ARHGEF7: variants seen among roughly 807,000 people sequenced by gnomAD.
ARHGEF7 encodes the protein PAK-interacting exchange factor beta.
A neutral mutation model predicts 109.8 loss-of-function variants in ARHGEF7; 33 were observed. The ratio of observed to expected loss-of-function variants is 0.30; its 90% confidence interval spans 0.23 to 0.40. The LOEUF is 0.40. ARHGEF7 is among the 10% of genes least tolerant of loss of function. The pLI, the probability that ARHGEF7 is intolerant of heterozygous loss-of-function variation, is 1.00. For synonymous variants in ARHGEF7, 458 were observed against 424.6 expected (o/e 1.08, Z -0.97); for missense variants, 938 against 1,098.5 (o/e 0.85, Z 2.07).
chr13:111,272,860 G>T lies in ARHGEF7; in HGVS notation c.1074-954G>T, dbSNP rs1218278229. On this transcript the variant is annotated intron_variant, in intron 9 of 21. Transcript: ENST00000646102. The surrounding 1 kb of genome is among the most constrained non-coding windows in gnomAD (Gnocchi z 5.2). Reference sequence around the variant, plus strand: ...CAGTGAAGGGGTGTTGCGGTCAGGTGACTGTCAGCCTTAACAAACGTGTGG... The same window carrying T: ...CAGTGAAGGGGTGTTGCGGTCAGGTTACTGTCAGCCTTAACAAACGTGTGG... 6.6e-6 allele frequency among the ~76,000 whole-genome samples: 1 copy of T among 152,162 alleles called. No homozygotes were observed. The highest frequency in any genetic ancestry group is 1.9e-4 in the East Asian group (1 of 5,186).
At position 111,292,098 on chromosome 13, in the gene ARHGEF7, C is replaced by T. The variant is rs1369501086; in HGVS notation, c.2135-20C>T. The T allele has an allele frequency of 6.2e-7, 1 of 1,608,472 alleles. No homozygotes were observed. The highest frequency in any genetic ancestry group is 8.5e-7 in the Non-Finnish European group (1 of 1,177,046). Reference sequence around the variant, plus strand: ...TCACCCCCTGCCTGTCGCGCCTGTCCCTCCGCCCGCCCGTCTTAGCATGGC... The same window carrying T: ...TCACCCCCTGCCTGTCGCGCCTGTCTCTCCGCCCGCCCGTCTTAGCATGGC... On this transcript the variant is annotated intron_variant, in intron 18 of 21. Coordinates refer to ENST00000646102, the MANE Select transcript of ARHGEF7 (RefSeq NM_001354046.2).
At chr13:111,170,612 C>T (rs970037078) in intron 2 of ARHGEF7, among the ~76,000 whole-genome samples, 5 of 152,092 alleles carry the variant, frequency 3.3e-5, no homozygotes, top group Admixed American at 6.5e-5. Context: ...GCTAAGTGGC[C>T]GGGGAAAGTG....
Position 111,264,598 on chromosome 13 carries a change from G to C in ARHGEF7, c.951-2950G>C, listed in dbSNP as rs544647999. 2.6e-5 allele frequency among the ~76,000 whole-genome samples: 4 copies of C among 152,282 alleles called. 1 individual carries two copies. Among genetic ancestry groups the C allele is most frequent in the African/African-American group, 7.2e-5 (3 of 41,550 alleles). Reference sequence around the variant, plus strand: ...CCGTGCAGGTAACTGTTGTGCTTCTGTGAGCCCCCGCCAGTACTCTGGGTG... The same window carrying C: ...CCGTGCAGGTAACTGTTGTGCTTCTCTGAGCCCCCGCCAGTACTCTGGGTG... On this transcript the variant is annotated intron_variant, in intron 8 of 21. Transcript: ENST00000646102.
At chr13:111,241,160 C>T in intron 6 of ARHGEF7, 1 of 1,534,966 alleles carries the variant, frequency 6.5e-7, no homozygotes, top group Non-Finnish European at 8.7e-7. Flanking sequence ...CTGAGCTCAG[C>T]TCTGTGGGCC....
intron 3 of ARHGEF7, among the ~76,000 whole-genome samples, chr13:111,208,263 C>A (rs982487553): frequency 6.6e-6 from 1 of 152,182 alleles, no homozygotes; most frequent in Non-Finnish European, 1.5e-5. Context: ...TGGTCTGGAA[C>A]TCCCAGCCTC....
intron 1 of ARHGEF7, among the ~76,000 whole-genome samples, chr13:111,126,052 G>T (rs557052266): frequency 1.8e-4 from 28 of 152,314 alleles, no homozygotes; most frequent in Non-Finnish European, 3.4e-4. Flanking sequence ...GGCTTCCTCT[G>T]TGGTGCTTAG....
intron 1 of ARHGEF7, among the ~76,000 whole-genome samples, chr13:111,147,149 A>ATTT (rs2075635922): frequency 6.6e-6 from 1 of 152,222 alleles, no homozygotes; most frequent in African/African-American, 2.4e-5. Flanking sequence ...TTATAAATAA[A>ATTT]GCTATGAACA....
At chr13:111,142,269 C>T (rs1297344713) in intron 1 of ARHGEF7, among the ~76,000 whole-genome samples, 1 of 146,578 alleles carries the variant, frequency 6.8e-6, no homozygotes, top group Non-Finnish European at 1.5e-5. Context: ...GGCTTGTCTT[C>T]TTGTTCTCTC....
intron 2 of ARHGEF7, among the ~76,000 whole-genome samples, chr13:111,154,331 G>A (rs2076128546): frequency 6.6e-6 from 1 of 152,172 alleles, no homozygotes; most frequent in African/African-American, 2.4e-5. Context: ...CGATTTCTTG[G>A]CACCTGCCTC....
chr13:111,283,245 C>T lies in ARHGEF7; in HGVS notation c.1832C>T (p.Pro611Leu), dbSNP rs370774320. 18 of 1,587,130 alleles carry T rather than the reference C, an allele frequency of 1.1e-5. 1 individual carries two copies. The highest frequency in any genetic ancestry group is 8.8e-5 in the Admixed American group (5 of 56,734). ...CCCCACCCCTCCCACCACGGCACCC[C>T]GCACACCACCATCAACTGGGGACCC... ...TLPHPSHHGTPHTTINWGPLE... is the reference protein window; with the variant it reads ...TLPHPSHHGTLHTTINWGPLE... Residue 611 changes from proline (P) to leucine (L), a missense_variant, in exon 16 of 22, where the codon CCG (proline) becomes CTG (leucine). Physicochemically the swap from Pro to Leu is moderately conservative, Grantham distance 98 (BLOSUM62 -3). Transcript: ENST00000646102.
intron 5 of ARHGEF7, among the ~76,000 whole-genome samples, chr13:111,220,499 A>G (rs980922580): frequency 2.0e-5 from 3 of 152,208 alleles, no homozygotes; most frequent in African/African-American, 7.2e-5. Flanking sequence ...CAAGGAAATT[A>G]CGCTGAAAAG....
intron 4 of ARHGEF7, among the ~76,000 whole-genome samples, chr13:111,214,035 G>A (rs1222410120): frequency 6.6e-6 from 1 of 152,186 alleles, no homozygotes; most frequent in African/African-American, 2.4e-5. Flanking sequence ...AAGAATGGAG[G>A]TATGTTGCGA....
Position 111,115,697 on chromosome 13 carries a change from TC to T in ARHGEF7, c.165+9del, listed in dbSNP as rs906131042. ...TCCCCGGGACCATCGAGAAAGTAAG[TC>T]CCGGCCCGCGCCCCCGCCCGCGCCC... On this transcript the variant is annotated splice_region_variant and intron_variant, in intron 1 of 21. Coordinates refer to ENST00000646102, the MANE Select transcript of ARHGEF7 (RefSeq NM_001354046.2). 2.6e-6 allele frequency: 3 copies of T among 1,165,280 alleles called. No homozygotes were observed. In the African/African-American group the frequency reaches 5.0e-5, roughly 19 times the overall value. 72.2% of individuals were successfully genotyped at this position (1,165,280 alleles called of 1,614,324 possible).
rs1031883200 is a variant in ARHGEF7, at chr13:111,258,058, G to T, written c.951-9490G>T. Among the ~76,000 whole-genome samples, 1 of 152,254 alleles carries T rather than the reference G, an allele frequency of 6.6e-6. No homozygotes were observed. The highest frequency in any genetic ancestry group is 2.1e-4 in the South Asian group (1 of 4,832). On this transcript the variant is annotated intron_variant, in intron 8 of 21. Coordinates refer to ENST00000646102, the MANE Select transcript of ARHGEF7 (RefSeq NM_001354046.2). The surrounding 1 kb of genome is among the most constrained non-coding windows in gnomAD (Gnocchi z 4.4). ...CTGGGGCTCTGAGCCAGTGGCCTTG[G>T]GGGGCCTGCAACCTAGTGAGACCTC...
chr13:111,295,067 T>G, intron 19 of ARHGEF7: 1 of 985,440 alleles, frequency 1.0e-6, no homozygotes, highest in Non-Finnish European at 1.2e-6. Context: ...TGGATGTATA[T>G]CTGAATGTTG....
intron 2 of ARHGEF7, among the ~76,000 whole-genome samples, chr13:111,173,048 A>T (rs2077747789): frequency 6.6e-6 from 1 of 152,238 alleles, no homozygotes. Flanking sequence ...TTCCACTTGT[A>T]TCATTAATAA....
chr13:111,292,010 CT>C, intron 18 of ARHGEF7, 107 bp from the exon 19 acceptor site: 2 of 883,782 alleles, frequency 2.3e-6, no homozygotes, highest in Non-Finnish European at 3.5e-6. Flanking sequence ...TTTTCCTTCT[CT>C]TCCCATCACC....
intron 2 of ARHGEF7, among the ~76,000 whole-genome samples, chr13:111,155,163 C>T (rs372678952): frequency 2.6e-5 from 4 of 152,216 alleles, no homozygotes; most frequent in Middle Eastern, 6.8e-3. Context: ...TGGTATCCAC[C>T]GGGATCCTGG....
rs939712570 is a variant in ARHGEF7 at position 111,145,639 on chromosome 13, G to A, written c.166-8266G>A. 8.5e-5 allele frequency among the ~76,000 whole-genome samples: 13 copies of A among 152,166 alleles called. No homozygotes were observed. Among genetic ancestry groups the A allele is most frequent in the Non-Finnish European group, 1.8e-4 (12 of 68,028 alleles). On this transcript the variant is annotated intron_variant, in intron 1 of 21. Coordinates refer to ENST00000646102, the MANE Select transcript of ARHGEF7 (RefSeq NM_001354046.2). The surrounding 1 kb of genome is among the most constrained non-coding windows in gnomAD (Gnocchi z 4.3). ...AGGGCTTTAAAGGCACCAGTGTGAC[G>A]GGGTGACACCCATACAGCCCACTGT...
Sources: gnomAD v4.1 joint callset for allele counts (sites outside exome capture counted in the v4.1 genomes callset) on GRCh38, gnomAD v4.1.1 for gene constraint, Gnocchi (gnomAD v3.1) non-coding constraint, MANE v1.5 for transcripts, NCBI Gene and HGNC (gene_info 2026-07-23, HGNC 2026-07-21) for gene names.